DENND4C: variants seen among roughly 807,000 people sequenced by gnomAD.
DENND4C encodes DENN domain containing 4C.
A neutral mutation model predicts 203.0 loss-of-function variants in DENND4C; 108 were observed. The ratio of observed to expected loss-of-function variants is 0.53; its 90% CI spans 0.46 to 0.62. DENND4C has a LOEUF of 0.62. Among genes scored for constraint, DENND4C ranks in the 20% least tolerant of loss-of-function variants. The probability of loss-of-function intolerance (pLI) is 0.00; values close to 1 mark genes in which losing one functional copy is unlikely to be tolerated. For synonymous variants in DENND4C, 871 were observed against 792.4 expected (o/e 1.10, Z -1.67); for missense variants, 2,481 against 2,301.2 (o/e 1.08, Z -1.60).
intron 1 of DENND4C, among the ~76,000 whole-genome samples, chr9:19,275,541 G>A (rs1832725779): frequency 6.6e-6 from 1 of 151,462 alleles, no homozygotes. Context: ...AGCAATCTCC[G>A]CTCACTGCAG....
chr9:19,245,715 G>T (rs940422919), intron 1 of DENND4C, among the ~76,000 whole-genome samples: 2 of 152,108 alleles, frequency 1.3e-5, no homozygotes, highest in Non-Finnish European at 1.5e-5. Flanking sequence ...AACTAGCCAG[G>T]CGTGGTGGCA....
chr9:19,323,767 C>T (rs1205044067), intron 12 of DENND4C, among the ~76,000 whole-genome samples: 1 of 152,184 alleles, frequency 6.6e-6, no homozygotes, highest in African/African-American at 2.4e-5. Context: ...GAAATTTCTA[C>T]TTAAAAGTTG....
At chr9:19,290,374 A>T (rs1836046733) in intron 4 of DENND4C, among the ~76,000 whole-genome samples, 1 of 152,144 alleles carries the variant, frequency 6.6e-6, no homozygotes, top group Non-Finnish European at 1.5e-5. Context: ...TAGTTGGTAA[A>T]TTTTTCTGTA....
chr9:19,329,713 T>C (rs1382135948), intron 16 of DENND4C, among the ~76,000 whole-genome samples: 1 of 152,212 alleles, frequency 6.6e-6, no homozygotes, highest in Non-Finnish European at 1.5e-5. Flanking sequence ...TCAATTCTTG[T>C]TATTGTTTGT....
In DENND4C at chr9:19,267,154, A is replaced by G. The variant is rs1049878928; in HGVS notation, c.-17-9004A>G. ...TTTAGTCTATAGTGCAGATTCAGTC[A>G]AATGTTTCTTAGTTTTATGTCTGGA... On this transcript the variant is annotated intron_variant, in intron 1 of 32. Transcript: ENST00000434457. Among the ~76,000 whole-genome samples the G allele has an allele frequency of 1.4e-4, 22 of 152,282 alleles. 2 individuals are homozygous for G. The highest frequency in any genetic ancestry group is 4.6e-4 in the Admixed American group (7 of 15,298).
intron 4 of DENND4C, among the ~76,000 whole-genome samples, chr9:19,290,107 G>C (rs899132923): frequency 1.3e-5 from 2 of 152,150 alleles, no homozygotes; most frequent in Non-Finnish European, 2.9e-5. Context: ...AGAGGCTAAT[G>C]AACAGATGCC....
chr9:19,231,515 T>G (rs1316975893), intron 1 of DENND4C, among the ~76,000 whole-genome samples: 1 of 151,922 alleles, frequency 6.6e-6, no homozygotes, highest in African/African-American at 2.4e-5. Context: ...GAGCTGTAAC[T>G]TTTTCTGTTT....
At chr9:19,263,657 A>ATTTTTTTTTTTT (rs111309104) in intron 1 of DENND4C, among the ~76,000 whole-genome samples, 1 of 99,288 alleles carries the variant, frequency 1.0e-5, no homozygotes, top group Non-Finnish European at 2.2e-5. Context: ...TTTTCTTCCC[A>ATTTTTTTTTTTT]TTTTTTTTTT....
intron 22 of DENND4C, among the ~76,000 whole-genome samples, chr9:19,345,306 G>A (rs1056252130): frequency 4.6e-5 from 7 of 152,150 alleles, no homozygotes; most frequent in African/African-American, 1.4e-4. Context: ...TGAAGGCTAG[G>A]ATTATGTCTG....
At chr9:19,243,621 CT>C (rs1204098281) in intron 1 of DENND4C, among the ~76,000 whole-genome samples, 1 of 152,120 alleles carries the variant, frequency 6.6e-6, no homozygotes, top group African/African-American at 2.4e-5. Flanking sequence ...AATGTGTGAC[CT>C]TTTGTGTCCA....
Position 19,346,342 on chromosome 9 carries a change from G to A in DENND4C, c.3573G>A (p.Val1191=), listed in dbSNP as rs1190887516. ...AAAGCCAAGAACTCCTTGAGCCTGT[G>A]GTTGATGACGTACCTAAAACTACTG... ...LEESQELLEP[V]VDDVPKTTAT... Residue 1191 remains valine (V), a synonymous_variant, in exon 23 of 33, where the codon GTG becomes GTA. Transcript: ENST00000434457. The A allele has an allele frequency of 6.2e-7, 1 of 1,614,022 alleles. No homozygotes were observed. Among genetic ancestry groups the A allele is most frequent in the African/African-American group, 1.3e-5 (1 of 74,914 alleles).
rs780751301 is a variant in DENND4C at position 19,346,632 on chromosome 9, A to G, written c.3863A>G (p.Tyr1288Cys). 16 of 1,614,078 alleles carry G rather than the reference A, an allele frequency of 9.9e-6. No homozygotes were observed. The highest frequency in any genetic ancestry group is 1.6e-4 in the Middle Eastern group (1 of 6,084). Residue 1288 changes from tyrosine (Y) to cysteine (C), a missense_variant, in exon 23 of 33, where the codon TAT (tyrosine) becomes TGT (cysteine). Physicochemically the swap from Tyr to Cys is radical, Grantham distance 194. Transcript: ENST00000434457. The part of the protein sequence containing the change: ...ARNLADEIES[Y>C]MNLKSPLGSK... ...AATCTGGCTGATGAAATAGAAAGCT[A>G]TATGAACCTAAAAAGTCCCCTAGGT...
chr9:19,281,075 A>G (rs977797610), intron 2 of DENND4C, among the ~76,000 whole-genome samples: 1 of 152,136 alleles, frequency 6.6e-6, no homozygotes, highest in African/African-American at 2.4e-5. Context: ...TGACAAGCCC[A>G]CCTGCCACCC....
chr9:19,241,233 C>T (rs1823621234), intron 1 of DENND4C, among the ~76,000 whole-genome samples: 1 of 152,138 alleles, frequency 6.6e-6, no homozygotes, highest in Non-Finnish European at 1.5e-5. Context: ...AGTAAATTAG[C>T]TTATTGTAAC....
At position 19,305,477 on chromosome 9, in the gene DENND4C, C is replaced by G; in HGVS notation, c.1437C>G (p.Asp479Glu). 6.2e-7 allele frequency: 1 copy of G among 1,613,722 alleles called. No individual in the cohort carries two copies. The highest frequency in any genetic ancestry group is 8.5e-7 in the Non-Finnish European group (1 of 1,179,942). Residue 479 changes from aspartate to glutamate, a missense_variant, in exon 10 of 33, where the codon GAC becomes GAG. Coordinates refer to ENST00000434457, the MANE Select transcript of DENND4C (RefSeq NM_001330640.2). Reference sequence around the variant, plus strand: ...ACTCAAGGTATTTTGATCTTCATGACCCACCACAAGATGTTGTTTGCATTG... The same window carrying G: ...ACTCAAGGTATTTTGATCTTCATGAGCCACCACAAGATGTTGTTTGCATTG... ...GVDSRYFDLH[D>E]PPQDVVCIDL...
In DENND4C at chr9:19,369,950, C is replaced by G; in HGVS notation, c.5638C>G (p.Leu1880Val). 6.2e-7 allele frequency: 1 copy of G among 1,613,922 alleles called. No homozygotes were observed. The highest frequency in any genetic ancestry group is 1.3e-5 in the African/African-American group (1 of 75,014). Residue 1880 changes from leucine to valine, a missense_variant, in exon 31 of 33, where the codon CTT (leucine) becomes GTT (valine). By Grantham distance (32) the Leu-to-Val change is conservative (BLOSUM62 1). This residue lies in a region of DENND4C where 2,289 missense variants were observed against 2,113.3 expected (regional missense o/e 1.08). Transcript: ENST00000434457. ...TAATGTTCTTAAACCCATCAACCTA[C>G]TTTCACAGCAAATGAAGCCAGGCAT... ...HNNVLKPINL[L>V]SQQMKPGMKR...
chr9:19,257,372 A>G (rs1828251620), intron 1 of DENND4C, among the ~76,000 whole-genome samples: 1 of 149,592 alleles, frequency 6.7e-6, no homozygotes, highest in South Asian at 2.1e-4. Flanking sequence ...AAAAAAAAAG[A>G]AAACACAACA....
Position 19,286,866 on chromosome 9 carries a change from A to G in DENND4C, c.403A>G (p.Thr135Ala). Reference protein sequence around the residue: ...RCANVNNSSTTSQRIFITYRR... With the variant: ...RCANVNNSSTASQRIFITYRR... ...TGCCAATGTCAACAATAGTTCAACT[A>G]CTTCACAAAGAATCTTTATCACTTA... is the stretch of plus-strand genomic sequence containing the variant. The change falls in exon 3 of 33, where the codon ACT becomes GCT. Residue 135 changes from threonine to alanine, a missense_variant. Transcript: ENST00000434457. 1.2e-5 allele frequency: 15 copies of G among 1,232,118 alleles called. No homozygotes were observed. The highest frequency in any genetic ancestry group is 1.4e-5 in the Non-Finnish European group (14 of 987,954). 76.3% of individuals were successfully genotyped at this position (1,232,118 alleles called of 1,614,324 possible). A position where few individuals can be genotyped will look rare whatever the true frequency, so the allele number is the denominator to read the frequency against.
intron 2 of DENND4C, among the ~76,000 whole-genome samples, chr9:19,284,069 T>C (rs1834717148): frequency 6.6e-6 from 1 of 152,218 alleles, no homozygotes; most frequent in Non-Finnish European, 1.5e-5. Flanking sequence ...CCTTTTCTCC[T>C]AGATGATAGA....
Sources: gnomAD v4.1 joint callset for allele counts (sites outside exome capture counted in the v4.1 genomes callset) on GRCh38, gnomAD v4.1.1 for gene constraint, gnomAD v4.1.1 regional missense constraint, MANE v1.5 for transcripts, NCBI Gene and HGNC (gene_info 2026-07-23, HGNC 2026-07-21) for gene names.